The following FBXL17 variants were observed in gnomAD, a reference collection of about 807,000 sequenced individuals.
FBXL17 encodes the protein F-box/LRR-repeat protein 17.
In FBXL17, 22 loss-of-function variants were observed where a neutral mutation model predicts 66.2. That is an observed-to-expected ratio of 0.33 (90% confidence interval 0.24 to 0.47). FBXL17 has a LOEUF of 0.47. Ranked by LOEUF, FBXL17 falls within the 20% of genes least tolerant of loss-of-function variation. The probability of loss-of-function intolerance (pLI) is 1.00; values close to 1 mark genes in which losing one functional copy is unlikely to be tolerated. For synonymous variants in FBXL17, 474 were observed against 400.5 expected, an observed-to-expected ratio of 1.18 and a Z score of -2.19; for missense variants, 878 against 948.2, an observed-to-expected ratio of 0.93 and a Z score of 0.97.
chr5:108,329,637 T>C (rs988554809), intron 4 of FBXL17, among the ~76,000 whole-genome samples: 1 of 152,152 alleles, frequency 6.6e-6, no homozygotes, highest in Admixed American at 6.5e-5. Flanking sequence ...AATACCTTTA[T>C]AAAAAATTAT....
intron 7 of FBXL17, among the ~76,000 whole-genome samples, chr5:107,895,933 G>T (rs1749366446): frequency 6.6e-6 from 1 of 151,970 alleles, no homozygotes; most frequent in South Asian, 2.1e-4. Context: ...ATCCTCTTTT[G>T]CCCCCTTCAC....
intron 4 of FBXL17, among the ~76,000 whole-genome samples, chr5:108,302,780 G>A (rs1018304253): frequency 2.6e-5 from 4 of 151,608 alleles, no homozygotes; most frequent in South Asian, 2.1e-4. Context: ...ATATAGATAC[G>A]CCTCATTTTC....
At chr5:108,030,138 G>C (rs1270175412) in intron 6 of FBXL17, among the ~76,000 whole-genome samples, 1 of 152,040 alleles carries the variant, frequency 6.6e-6, no homozygotes, top group African/African-American at 2.4e-5. Flanking sequence ...CAAATACATA[G>C]TTGTTGTGTG....
intron 7 of FBXL17, among the ~76,000 whole-genome samples, chr5:107,889,911 A>G (rs1043301582): frequency 2.0e-5 from 3 of 152,194 alleles, no homozygotes; most frequent in African/African-American, 7.2e-5. Context: ...ATTTAGAACT[A>G]ACATATATTT....
intron 7 of FBXL17, among the ~76,000 whole-genome samples, chr5:107,921,490 A>G (rs912264077): frequency 6.6e-6 from 1 of 152,250 alleles, no homozygotes; most frequent in Non-Finnish European, 1.5e-5. Flanking sequence ...AGGAAACAGT[A>G]TGGCAAAGCA....
Position 108,255,945 on chromosome 5 carries a change from G to A in FBXL17, c.1507-31717C>T, listed in dbSNP as rs149383238. Among the ~76,000 whole-genome samples, 438 of 152,256 alleles carry A rather than the reference G, an allele frequency of 2.9e-3. 4 individuals are homozygous for A. Among genetic ancestry groups the A allele is most frequent in the African/African-American group, 9.7e-3 (402 of 41,564 alleles). The stretch of plus-strand genomic sequence containing the variant: ...AAGCAAGGCGTAAGGCAAGGGCAAA[G>A]ATCACCAAGAGTAGAAACAGATAAA... On this transcript the variant is annotated intron_variant, in intron 4 of 8. Transcript: ENST00000542267.
intron 6 of FBXL17, among the ~76,000 whole-genome samples, chr5:108,132,626 A>T (rs991133250): frequency 1.3e-5 from 2 of 152,064 alleles, no homozygotes; most frequent in South Asian, 4.2e-4. Flanking sequence ...AATGGATTTG[A>T]TTAGCAAGTA....
intron 8 of FBXL17, chr5:107,880,742 T>G: frequency 1.6e-6 from 2 of 1,285,806 alleles, no homozygotes; most frequent in Non-Finnish European, 2.0e-6. Flanking sequence ...CTTTTACATT[T>G]TGGTCCATGG....
chr5:108,062,774 C>G (rs1747974534), intron 6 of FBXL17, among the ~76,000 whole-genome samples: 1 of 151,910 alleles, frequency 6.6e-6, no homozygotes, highest in Non-Finnish European at 1.5e-5. Context: ...CATAAATGTA[C>G]AGAGTATCAG....
chr5:108,140,954 G>A (rs561624869), intron 6 of FBXL17, among the ~76,000 whole-genome samples: 7 of 151,922 alleles, frequency 4.6e-5, no homozygotes, highest in African/African-American at 1.7e-4. Context: ...TCCCTTGGCT[G>A]GAACACCTGA....
At chr5:108,223,915 G>A in intron 5 of FBXL17, among the ~76,000 whole-genome samples, 1 of 151,998 alleles carries the variant, frequency 6.6e-6, no homozygotes, top group East Asian at 1.9e-4. Flanking sequence ...CAATGAAAAA[G>A]CAAAAAGCTT....
intron 7 of FBXL17, among the ~76,000 whole-genome samples, chr5:107,944,247 A>G (rs549411003): frequency 6.6e-6 from 1 of 152,314 alleles, no homozygotes; most frequent in African/African-American, 2.4e-5. Context: ...TGTCTTGCTA[A>G]GTCATGAGGA....
intron 6 of FBXL17, among the ~76,000 whole-genome samples, chr5:108,118,718 C>T (rs1428619224): frequency 1.3e-5 from 2 of 152,140 alleles, no homozygotes; most frequent in Non-Finnish European, 2.9e-5. Context: ...GGCATAATAT[C>T]CATAGTCCTT....
intron 6 of FBXL17, among the ~76,000 whole-genome samples, chr5:108,066,247 C>G (rs1748113894): frequency 6.6e-6 from 1 of 152,032 alleles, no homozygotes; most frequent in Non-Finnish European, 1.5e-5. Context: ...TGTTATTAAC[C>G]ATGGCACTAT....
At chr5:108,035,361 G>A (rs1274571632) in intron 6 of FBXL17, among the ~76,000 whole-genome samples, 1 of 151,898 alleles carries the variant, frequency 6.6e-6, no homozygotes, top group Non-Finnish European at 1.5e-5. Flanking sequence ...TTTTTTGTTC[G>A]TTTGTTTGTT....
chr5:107,880,488 C>G, intron 8 of FBXL17: 1 of 995,796 alleles, frequency 1.0e-6, no homozygotes, highest in Non-Finnish European at 1.2e-6. Flanking sequence ...ACCTCTGGAA[C>G]CACTTCTTAT....
chr5:108,381,860 A>G lies in FBXL17; in HGVS notation c.-169T>C. 8 of 1,292,992 alleles carry G rather than the reference A, an allele frequency of 6.2e-6. No individual in the cohort carries two copies. Among genetic ancestry groups the G allele is most frequent in the Non-Finnish European group, 7.8e-6 (8 of 1,020,740 alleles). 80.1% of individuals were successfully genotyped at this position (1,292,992 alleles called of 1,614,324 possible). A position where few individuals can be genotyped will look rare whatever the true frequency, so the allele number is the denominator to read the frequency against. ...CACGCGACGGTGGGGGGTGGGCGTCAGCTGCGGGCCGCCGGAGTGCCCGAC... is the reference window on the plus strand; with the variant it reads ...CACGCGACGGTGGGGGGTGGGCGTCGGCTGCGGGCCGCCGGAGTGCCCGAC... On this transcript the variant is annotated 5_prime_UTR_variant, in exon 1 of 9. Coordinates refer to ENST00000542267, the MANE Select transcript of FBXL17 (RefSeq NM_001163315.3).
At chr5:108,114,763 T>A (rs1028371593) in intron 6 of FBXL17, among the ~76,000 whole-genome samples, 5 of 152,174 alleles carry the variant, frequency 3.3e-5, no homozygotes, top group Non-Finnish European at 5.9e-5. Context: ...CACTACTGCA[T>A]CTATTCACCA....
intron 4 of FBXL17, among the ~76,000 whole-genome samples, chr5:108,227,589 T>A (rs1267775909): frequency 6.6e-6 from 1 of 152,216 alleles, no homozygotes; most frequent in African/African-American, 2.4e-5. Context: ...TTTTTGTATC[T>A]TCCTTACCTA....
Sources: allele counts gnomAD v4.1 joint callset (sites outside exome capture counted in the v4.1 genomes callset), GRCh38; gene constraint gnomAD v4.1.1; transcripts MANE v1.5; gene names NCBI Gene and HGNC (gene_info 2026-07-23, HGNC 2026-07-21).